Variants in ODF1 observed in about 807,000 individuals in gnomAD.
ODF1 encodes outer dense fiber of sperm tails 1, also known as outer dense fiber protein 1.
ODF1 carries 10 observed loss-of-function variants against 24.0 expected under a neutral mutation model. The ratio of observed to expected loss-of-function variants is 0.42; its 90% CI spans 0.26 to 0.71. The LOEUF is 0.71. Ranked by LOEUF, ODF1 falls within the 30% of genes least tolerant of loss-of-function variation. The pLI is 0.28. For synonymous variants in ODF1, 118 were observed against 121.3 expected (o/e 0.97, Z 0.18); for missense variants, 282 against 307.9 (o/e 0.92, Z 0.63).
Position 102,551,915 on chromosome 8 carries a change from G to A in ODF1, c.188G>A (p.Arg63His), listed in dbSNP as rs201634418. 14 of 1,614,152 alleles carry A rather than the reference G, an allele frequency of 8.7e-6. No individual in the cohort carries two copies. Among genetic ancestry groups the A allele is most frequent in the East Asian group, 6.7e-5 (3 of 44,872 alleles). Residue 63 changes from arginine (R) to histidine (H), a missense_variant, in exon 1 of 2, where the codon CGC (arginine) becomes CAC (histidine). Physicochemically the swap from Arg to His is conservative, Grantham distance 29 (BLOSUM62 0). Transcript: ENST00000285402. ...TGCTTGTGCTATTCCAAGCGATCAC[G>A]CTCTTGCGGCCTGTGTGATCTCTAC... ...PYCLCYSKRS[R>H]SCGLCDLYPC...
intron 1 of ODF1, among the ~76,000 whole-genome samples, chr8:102,553,206 CA>C (rs71276450): frequency 0.043 from 5,302 of 124,028 alleles, 176 homozygotes; most frequent in South Asian, 0.16. Context: ...CTACTAAATA[CA>C]AAAAAAAAAA....
At chr8:102,560,245 T>C (rs1826161674) in intron 1 of ODF1, among the ~76,000 whole-genome samples, 2 of 152,196 alleles carry the variant, frequency 1.3e-5, no homozygotes, top group Non-Finnish European at 2.9e-5. Flanking sequence ...CATTCATTGT[T>C]AACAGCTGTG....
At chr8:102,560,430 C>A in intron 1 of ODF1, 22 bp from the exon 2 acceptor site, 1 of 1,608,506 alleles carries the variant, frequency 6.2e-7, no homozygotes, top group South Asian at 1.1e-5. Flanking sequence ...CCCTCCCACC[C>A]TATCCCTTTT....
chr8:102,560,613 T>G lies in ODF1; in HGVS notation c.482T>G (p.Leu161Arg). ...GAGCGGGAGAACAGGTACGACTGCC[T>G]TGGATCGAAAAAGTACAGCTACATG... ...SAERENRYDC[L>R]GSKKYSYMNI... Residue 161 changes from leucine (L) to arginine (R), a missense_variant, in exon 2 of 2, where the codon CTT becomes CGT. Coordinates refer to ENST00000285402, the MANE Select transcript of ODF1 (RefSeq NM_024410.4). 6.2e-7 allele frequency: 1 copy of G among 1,614,206 alleles called. No homozygotes were observed. The highest frequency in any genetic ancestry group is 8.5e-7 in the Non-Finnish European group (1 of 1,180,028).
intron 1 of ODF1, among the ~76,000 whole-genome samples, 190 bp from the exon 2 acceptor site, chr8:102,560,262 C>T (rs556447160): frequency 6.9e-4 from 102 of 147,552 alleles, no homozygotes; most frequent in African/African-American, 2.6e-3. Flanking sequence ...TGTGTACTTG[C>T]GGGGCAGTGT....
In ODF1 at chr8:102,557,934, T is replaced by G. The variant is rs114244784; in HGVS notation, c.321-2518T>G. Reference sequence around the variant, plus strand: ...TGTAATCTATCCAGAGAGGGTACCATGCCTGGAGTTTGGGCTGGTTCCCTG... The same window carrying G: ...TGTAATCTATCCAGAGAGGGTACCAGGCCTGGAGTTTGGGCTGGTTCCCTG... On this transcript the variant is annotated intron_variant, in intron 1 of 1. Coordinates refer to ENST00000285402, the MANE Select transcript of ODF1 (RefSeq NM_024410.4). 4.3e-3 allele frequency among the ~76,000 whole-genome samples: 658 copies of G among 152,366 alleles called. 8 individuals carry two copies. Among genetic ancestry groups the G allele is most frequent in the African/African-American group, 0.015 (630 of 41,582 alleles).
At position 102,551,877 on chromosome 8, in the gene ODF1, C is replaced by G; in HGVS notation, c.150C>G (p.His50Gln). Residue 50 changes from histidine to glutamine, a missense_variant, in exon 1 of 2, where the codon CAC (histidine) becomes CAG (glutamine). By Grantham distance (24) the His-to-Gln change is conservative. Coordinates refer to ENST00000285402, the MANE Select transcript of ODF1 (RefSeq NM_024410.4). Reference sequence around the variant, plus strand: ...ACCCCTATTGCTGCTGTGACTTGCACCCATATCCGTACTGCTTGTGCTATT... The same window carrying G: ...ACCCCTATTGCTGCTGTGACTTGCAGCCATATCCGTACTGCTTGTGCTATT... ...YMHPYCCCDL[H>Q]PYPYCLCYSK... 1 of 1,614,108 alleles carries G rather than the reference C, an allele frequency of 6.2e-7. No individual in the cohort carries two copies. Among genetic ancestry groups the G allele is most frequent in the South Asian group, 1.1e-5 (1 of 91,076 alleles).
intron 1 of ODF1, among the ~76,000 whole-genome samples, chr8:102,556,787 A>G (rs1284892519): frequency 2.0e-5 from 3 of 152,254 alleles, no homozygotes; most frequent in South Asian, 4.1e-4. Context: ...AAGGAAAAAG[A>G]TGTGTTGGAA....
At chr8:102,553,374 CAA>C (rs55997419) in intron 1 of ODF1, among the ~76,000 whole-genome samples, 64,229 of 107,860 alleles carry the variant, frequency 0.6, 16,687 homozygotes, top group Middle Eastern at 0.71. Flanking sequence ...GAGACTGTCT[CAA>C]AAAAAAAAAA....
chr8:102,560,978 G>C lies in ODF1; in HGVS notation c.*94G>C. The C allele has an allele frequency of 8.4e-7, 1 of 1,186,596 alleles. No individual in the cohort carries two copies. The highest frequency in any genetic ancestry group is 1.2e-6 in the Non-Finnish European group (1 of 840,306). The allele number at this position is 1,186,596 out of a possible 1,614,324, so 73.5% of individuals were successfully genotyped here. ...TCCTCTCCTTCCCATGGCCCCTGTT[G>C]TTGAAGTACGTAGGAAACTGAATAC... is the stretch of plus-strand genomic sequence containing the variant. On this transcript the variant is annotated 3_prime_UTR_variant, in exon 2 of 2. Coordinates refer to ENST00000285402, the MANE Select transcript of ODF1 (RefSeq NM_024410.4).
chr8:102,554,463 A>G (rs989833349), intron 1 of ODF1, among the ~76,000 whole-genome samples: 2 of 152,230 alleles, frequency 1.3e-5, no homozygotes, highest in African/African-American at 2.4e-5. Flanking sequence ...TCTATAGTCT[A>G]TAGTTGCCTT....
At chr8:102,558,352 G>A (rs775819966) in intron 1 of ODF1, among the ~76,000 whole-genome samples, 1 of 152,184 alleles carries the variant, frequency 6.6e-6, no homozygotes, top group Non-Finnish European at 1.5e-5. Flanking sequence ...TACTCAGGAG[G>A]CTGAGGCAGG....
chr8:102,553,237 C>T (rs190097078), intron 1 of ODF1, among the ~76,000 whole-genome samples: 5 of 147,424 alleles, frequency 3.4e-5, no homozygotes, highest in South Asian at 2.2e-4. Context: ...ATTAGCCAAG[C>T]GTAGTGGCAC....
At chr8:102,552,600 A>T (rs374923439) in intron 1 of ODF1, among the ~76,000 whole-genome samples, 1 of 152,136 alleles carries the variant, frequency 6.6e-6, no homozygotes, top group African/African-American at 2.4e-5. Context: ...TAGGTCTATC[A>T]TGTTGGCCTC....
intron 1 of ODF1, among the ~76,000 whole-genome samples, chr8:102,555,601 C>T (rs867669763): frequency 6.6e-6 from 1 of 152,210 alleles, no homozygotes; most frequent in African/African-American, 2.4e-5. Flanking sequence ...TTCACTGAAT[C>T]CACTCTTGCT....
Position 102,560,769 on chromosome 8 carries a change from G to GCCCGTGCAA in ODF1, c.641_642insGTGCAACCC (p.Cys215_Ser216insAsnProCys), listed in dbSNP as rs778351823. On this transcript the variant is annotated inframe_insertion, in exon 2 of 2. Transcript: ENST00000285402. ...TGCACTTCTCCTTGCAGCCCCTGCA[G>GCCCGTGCAA]CCCCTGCAGCCCCTGCAACCCCTGC... is the stretch of plus-strand genomic sequence containing the variant. The GCCCGTGCAA allele has an allele frequency of 4.0e-5, 44 of 1,103,996 alleles. No individual in the cohort carries two copies. In the African/African-American group the frequency reaches 5.8e-4, roughly 15 times the overall value. The allele number at this position is 1,103,996 out of a possible 1,614,324, so 68.4% of individuals were successfully genotyped here.
chr8:102,560,864 T>C lies in ODF1; in HGVS notation c.733T>C (p.Cys245Arg). The C allele has an allele frequency of 6.2e-7, 1 of 1,611,194 alleles. No homozygotes were observed. Among genetic ancestry groups the C allele is most frequent in the African/African-American group, 1.3e-5 (1 of 74,964 alleles). ...TTATCCCTGTGGAAGCCGATTTTCC[T>C]GTAGGAAGATGATTTTGTAAAGTGC... is the stretch of plus-strand genomic sequence containing the variant. ...PCYPCGSRFS[C>R]RKMIL is the part of the protein sequence containing the mutation. Residue 245 changes from cysteine to arginine, a missense_variant, in exon 2 of 2, where the codon TGT becomes CGT. Physicochemically the swap from Cys to Arg is radical, Grantham distance 180. Transcript: ENST00000285402.
intron 1 of ODF1, among the ~76,000 whole-genome samples, chr8:102,556,594 C>T (rs375580253): frequency 4.6e-5 from 7 of 152,034 alleles, no homozygotes; most frequent in East Asian, 3.9e-4. Context: ...ACTAGAGGTG[C>T]GGACAACCAC....
intron 1 of ODF1, 131 bp from the exon 2 acceptor site, chr8:102,560,321 G>A: frequency 1.2e-6 from 1 of 820,518 alleles, no homozygotes; most frequent in East Asian, 2.6e-5. Context: ...TTTGTGTAAA[G>A]TTTATTTTCA....
Sources: allele counts gnomAD v4.1 joint callset (sites outside exome capture counted in the v4.1 genomes callset), GRCh38; gene constraint gnomAD v4.1.1; transcripts MANE v1.5; gene names NCBI Gene and HGNC (gene_info 2026-07-23, HGNC 2026-07-21).